The following DRC9 variants were observed in gnomAD, a reference collection of about 807,000 sequenced individuals.
DRC9 encodes dynein regulatory complex protein 9.
the DRC9 span, among the ~76,000 whole-genome samples, chr3:197,914,699 CATGTGT>C: frequency 6.6e-6 from 1 of 152,068 alleles, no homozygotes; most frequent in South Asian, 2.1e-4. Flanking sequence ...GAGACAAACA[CATGTGT>C]AAACTTCCAA....
the DRC9 span, chr3:197,950,953 C>T: frequency 4.3e-6 from 7 of 1,613,952 alleles, no homozygotes; most frequent in Middle Eastern, 3.3e-4. Flanking sequence ...GGGAACGGGA[C>T]TTCTAAAAGG....
chr3:197,915,678 G>A, the DRC9 span, among the ~76,000 whole-genome samples: 1 of 152,128 alleles, frequency 6.6e-6, no homozygotes, highest in African/African-American at 2.4e-5. Flanking sequence ...TGCCCAGGCT[G>A]GAGTGTAGTG....
chr3:197,931,544 G>A, the DRC9 span, among the ~76,000 whole-genome samples: 1 of 152,014 alleles, frequency 6.6e-6, no homozygotes, highest in Non-Finnish European at 1.5e-5. Context: ...AAATTGAAAG[G>A]TTCTGGAAAA....
the DRC9 span, among the ~76,000 whole-genome samples, chr3:197,914,828 T>C: frequency 6.6e-6 from 1 of 152,132 alleles, no homozygotes; most frequent in Admixed American, 6.5e-5. Context: ...GGGAAAGCGA[T>C]GGCTCATTCG....
chr3:197,947,520 T>G, the DRC9 span, among the ~76,000 whole-genome samples: 1 of 152,236 alleles, frequency 6.6e-6, no homozygotes, highest in East Asian at 1.9e-4. Context: ...TCTGGACTCA[T>G]GCTCCCTTGC....
At chr3:197,904,670 G>T in the DRC9 span, among the ~76,000 whole-genome samples, 1 of 151,980 alleles carries the variant, frequency 6.6e-6, no homozygotes, top group Non-Finnish European at 1.5e-5. Flanking sequence ...AGAACAGCCT[G>T]GCCAATATGG....
chr3:197,917,103 C>T, the DRC9 span, among the ~76,000 whole-genome samples: 1 of 152,170 alleles, frequency 6.6e-6, no homozygotes, highest in Non-Finnish European at 1.5e-5. Context: ...CTCGCTTGAA[C>T]CCAGGAGTTC....
the DRC9 span, chr3:197,954,092 G>T: frequency 6.2e-7 from 1 of 1,614,132 alleles, no homozygotes; most frequent in African/African-American, 1.3e-5. Flanking sequence ...GGCATGGTTC[G>T]TGCCAAATTC....
chr3:197,904,583 G>A, the DRC9 span, among the ~76,000 whole-genome samples: 1 of 152,168 alleles, frequency 6.6e-6, no homozygotes, highest in African/African-American at 2.4e-5. Context: ...GAAAAGGTGG[G>A]GCCGGGCGTG....
chr3:197,915,942 C>T, the DRC9 span, among the ~76,000 whole-genome samples: 3 of 151,900 alleles, frequency 2.0e-5, no homozygotes, highest in Admixed American at 6.6e-5. Context: ...AATTGCCTTT[C>T]GTCTTAACCA....
the DRC9 span, among the ~76,000 whole-genome samples, chr3:197,915,717 C>G: frequency 6.6e-6 from 1 of 151,506 alleles, no homozygotes; most frequent in Non-Finnish European, 1.5e-5. Context: ...GCAAGCTCCA[C>G]CTCCCAGGTT....
At chr3:197,945,836 G>C in the DRC9 span, 3 of 541,052 alleles carry the variant, frequency 5.5e-6, no homozygotes, top group Non-Finnish European at 9.9e-6. Context: ...TCCCAGAGGC[G>C]AAAGAGCCTC....
chr3:197,919,173 C>T, the DRC9 span, among the ~76,000 whole-genome samples: 1 of 152,184 alleles, frequency 6.6e-6, no homozygotes, highest in South Asian at 2.1e-4. Flanking sequence ...GGTTTTAATG[C>T]CGTTGCCATG....
chr3:197,929,130 G>C, the DRC9 span, among the ~76,000 whole-genome samples: 3 of 152,148 alleles, frequency 2.0e-5, no homozygotes. This position sits in a 1 kb window ranked among gnomAD's most constrained non-coding sequence, Gnocchi z 4.6. Context: ...TGGAGATGAA[G>C]GACCATGCTA....
At chr3:197,944,172 C>T in the DRC9 span, 1 of 858,730 alleles carries the variant, frequency 1.2e-6, no homozygotes, top group Non-Finnish European at 1.8e-6. Context: ...ATAATAGAAC[C>T]TAGATGAAAA....
chr3:197,944,141 C>T, the DRC9 span: 2 of 1,139,012 alleles, frequency 1.8e-6, no homozygotes, highest in South Asian at 3.0e-5. Context: ...TGCTGGGCTC[C>T]TGTGATATTC....
chr3:197,938,467 T>C, the DRC9 span: 129 of 951,438 alleles, frequency 1.4e-4, 2 homozygotes, highest in South Asian at 9.0e-4. Context: ...CTGTAGACGA[T>C]AGCAGTCAGC....
chr3:197,928,542 G>T, the DRC9 span, among the ~76,000 whole-genome samples: 1 of 151,914 alleles, frequency 6.6e-6, no homozygotes, highest in Admixed American at 6.6e-5. Context: ...TAGAGGTGGG[G>T]TGTCACCATG....
the DRC9 span, among the ~76,000 whole-genome samples, chr3:197,899,849 G>A: frequency 3.3e-5 from 5 of 152,176 alleles, no homozygotes; most frequent in Non-Finnish European, 4.4e-5. Context: ...TTTTAACTTC[G>A]TTTTGCTGAA....
Sources: gnomAD v4.1 joint callset for allele counts (sites outside exome capture counted in the v4.1 genomes callset) on GRCh38, gnomAD v4.1.1 for gene constraint, Gnocchi (gnomAD v3.1) non-coding constraint, MANE v1.5 for transcripts, NCBI Gene and HGNC (gene_info 2026-07-23, HGNC 2026-07-21) for gene names.